The following FHIP1A variants were observed in gnomAD, a reference collection of about 807,000 sequenced individuals.
The protein encoded by FHIP1A is FHF complex subunit HOOK interacting protein 1A.
A neutral mutation model predicts 88.6 loss-of-function variants in FHIP1A; 61 were observed. The ratio of observed to expected loss-of-function variants is 0.69; its 90% CI spans 0.56 to 0.85. The LOEUF (loss-of-function observed/expected upper bound fraction) is 0.85. Ranked by LOEUF, FHIP1A falls within the 40% of genes least tolerant of loss-of-function variation. The pLI is 0.00. For synonymous variants in FHIP1A, 478 were observed against 496.0 expected (o/e 0.96, Z 0.48); for missense variants, 1,154 against 1,273.5 (o/e 0.91, Z 1.43).
chr4:151,578,108 C>A, intron 5 of FHIP1A, 32 bp downstream of exon 5: 1 of 1,527,830 alleles, frequency 6.5e-7, no homozygotes, highest in South Asian at 1.2e-5. Context: ...GTTTTCCACT[C>A]ACTCCCTTTT....
chr4:151,620,904 C>T (rs1451315612), intron 7 of FHIP1A, among the ~76,000 whole-genome samples: 4 of 151,106 alleles, frequency 2.6e-5, no homozygotes, highest in Non-Finnish European at 4.4e-5. Flanking sequence ...CACACAAAAC[C>T]CCACCTTATC....
chr4:151,538,128 T>C (rs972068826), intron 3 of FHIP1A, among the ~76,000 whole-genome samples: 1 of 152,158 alleles, frequency 6.6e-6, no homozygotes, highest in African/African-American at 2.4e-5. Context: ...TAGACCATAG[T>C]AGTAGTGGAG....
intron 4 of FHIP1A, among the ~76,000 whole-genome samples, chr4:151,567,803 T>C (rs1733444426): frequency 6.6e-6 from 1 of 152,204 alleles, no homozygotes. Context: ...TGTGCTTATT[T>C]AAAAAATCTA....
intron 10 of FHIP1A, among the ~76,000 whole-genome samples, chr4:151,647,217 T>TA (rs971372617): frequency 2.6e-5 from 4 of 152,248 alleles, no homozygotes; most frequent in Non-Finnish European, 4.4e-5. Context: ...TTGATTGACC[T>TA]AATGAGGAAG....
Position 151,663,904 on chromosome 4 carries a change from T to C in FHIP1A, c.*1150T>C, listed in dbSNP as rs1237038380. On this transcript the variant is annotated 3_prime_UTR_variant, in exon 14 of 14. Coordinates refer to ENST00000435205, the MANE Select transcript of FHIP1A (RefSeq NM_001109977.3). The stretch of plus-strand genomic sequence containing the variant: ...GCTGCCTTCCGAGTAATGGGGTTCA[T>C]TAGAAGGCCCCAACGTGCTGTATGA... Among the ~76,000 whole-genome samples, 1 of 152,182 alleles carries C rather than the reference T, an allele frequency of 6.6e-6. No individual in the cohort carries two copies. Among genetic ancestry groups the C allele is most frequent in the Admixed American group, 6.5e-5 (1 of 15,286 alleles).
At chr4:151,521,140 G>A (rs1308647071) in intron 3 of FHIP1A, among the ~76,000 whole-genome samples, 2 of 152,126 alleles carry the variant, frequency 1.3e-5, no homozygotes, top group Admixed American at 6.5e-5. Context: ...TTTTATGTGT[G>A]TATAAATAAA....
intron 3 of FHIP1A, among the ~76,000 whole-genome samples, chr4:151,499,753 T>C (rs1303923971): frequency 2.0e-5 from 3 of 152,166 alleles, no homozygotes. Flanking sequence ...CTTCACATGA[T>C]GGCAGGAAGG....
chr4:151,649,470 C>T lies in FHIP1A; in HGVS notation c.1429C>T (p.Arg477Trp), dbSNP rs371000085. The change falls in exon 11 of 14, where the codon CGG becomes TGG. Residue 477 changes from arginine (R) to tryptophan (W), a missense_variant. By Grantham distance (101) the Arg-to-Trp change is moderately radical. Transcript: ENST00000435205. ...TGCCTCCTGTGCAGGGCCTGTGGAG[C>T]GGCCATTCCCCGAAGCGTTCTCCGA... Reference protein sequence around the residue: ...CMHDTSGPVERPFPEAFSESA... With the variant: ...CMHDTSGPVEWPFPEAFSESA... 2.0e-5 allele frequency: 31 copies of T among 1,546,830 alleles called. 1 individual carries two copies. The highest frequency in any genetic ancestry group is 1.8e-4 in the African/African-American group (13 of 73,164).
intron 7 of FHIP1A, among the ~76,000 whole-genome samples, chr4:151,605,487 G>C (rs1389860127): frequency 6.6e-6 from 1 of 152,190 alleles, no homozygotes; most frequent in Non-Finnish European, 1.5e-5. Flanking sequence ...GCAGCCAGCT[G>C]TGTTTCATTC....
At position 151,586,672 on chromosome 4, in the gene FHIP1A, C is replaced by T; in HGVS notation, c.764C>T (p.Ser255Phe). ...GCAACTGGGCTCAGTGGTCTCTACT[C>T]TTCCCTGCCTACAAAGCTAGAAGAG... ...VLATGLSGLY[S>F]SLPTKLEEKG... is the part of the protein sequence containing the mutation. Residue 255 changes from serine (S) to phenylalanine (F), a missense_variant, in exon 6 of 14, where the codon TCT (serine) becomes TTT (phenylalanine). By Grantham distance (155) the Ser-to-Phe change is radical (BLOSUM62 -2). Transcript: ENST00000435205. 2 of 1,551,100 alleles carry T rather than the reference C, an allele frequency of 1.3e-6. No individual in the cohort carries two copies. Among genetic ancestry groups the T allele is most frequent in the Middle Eastern group, 1.7e-4 (1 of 5,986 alleles).
chr4:151,636,216 ACAT>A (rs1257586313), intron 8 of FHIP1A, among the ~76,000 whole-genome samples: 1 of 152,030 alleles, frequency 6.6e-6, no homozygotes, highest in African/African-American at 2.4e-5. Flanking sequence ...ATAAAGGAAA[ACAT>A]CATGATTATC....
intron 3 of FHIP1A, among the ~76,000 whole-genome samples, chr4:151,503,342 T>G (rs879461452): frequency 4.6e-5 from 7 of 152,216 alleles, no homozygotes; most frequent in Non-Finnish European, 1.0e-4. Context: ...TGGGCAGAAC[T>G]AGTTTTTAAA....
At chr4:151,595,311 T>C (rs1430630713) in intron 7 of FHIP1A, among the ~76,000 whole-genome samples, 1 of 152,232 alleles carries the variant, frequency 6.6e-6, no homozygotes, top group Non-Finnish European at 1.5e-5. Context: ...AGCAGGTTGT[T>C]CAGTTTCCAT....
chr4:151,500,459 G>C lies in FHIP1A; in HGVS notation c.-123+17811G>C, dbSNP rs985476955. Among the ~76,000 whole-genome samples, 16 of 118,688 alleles carry C rather than the reference G, an allele frequency of 1.3e-4. No individual in the cohort carries two copies. In the East Asian group the frequency reaches 4.1e-3, roughly 30 times the overall value. 77.9% of individuals were successfully genotyped at this position (118,688 alleles called of 152,430 possible). ...TTCTCAAAAAAAAAAAAAAAAAAAA[G>C]ACTTTGGACAGCCTGCCTGGGTTTG... On this transcript the variant is annotated intron_variant, in intron 3 of 13. Transcript: ENST00000435205.
intron 7 of FHIP1A, among the ~76,000 whole-genome samples, chr4:151,596,180 G>A (rs549758395): frequency 3.9e-4 from 60 of 152,158 alleles, no homozygotes; most frequent in Non-Finnish European, 6.8e-4. Context: ...TCTTTCTTAT[G>A]TTTAGTGCTT....
At position 151,626,494 on chromosome 4, in the gene FHIP1A, CA is replaced by C. The variant is rs370332187; in HGVS notation, c.979-3206del. Reference sequence around the variant, plus strand: ...TAAGCAGAGACATTCTTTAGAGTAACAACTGTTCTTATCTTAGGGATAATTA... The same window carrying C: ...TAAGCAGAGACATTCTTTAGAGTAACACTGTTCTTATCTTAGGGATAATTA... On this transcript the variant is annotated intron_variant, in intron 7 of 13. Coordinates refer to ENST00000435205, the MANE Select transcript of FHIP1A (RefSeq NM_001109977.3). Among the ~76,000 whole-genome samples the C allele has an allele frequency of 8.5e-5, 13 of 152,306 alleles. No homozygotes were observed. In the East Asian group the frequency reaches 2.5e-3, roughly 29 times the overall value.
intron 3 of FHIP1A, among the ~76,000 whole-genome samples, chr4:151,507,474 T>C (rs1730875484): frequency 6.6e-6 from 1 of 152,198 alleles, no homozygotes; most frequent in Non-Finnish European, 1.5e-5. Flanking sequence ...TCTATTATTT[T>C]TAACCTAGAT....
Position 151,664,199 on chromosome 4 carries a change from G to C in FHIP1A, c.*1445G>C, listed in dbSNP as rs551440674. On this transcript the variant is annotated 3_prime_UTR_variant, in exon 14 of 14. Coordinates refer to ENST00000435205, the MANE Select transcript of FHIP1A (RefSeq NM_001109977.3). Reference sequence around the variant, plus strand: ...CTCTGTTCTTTGTGGGCATCTCTGTGGAGCCCTGAGGGCAGCCACAGGTCT... The same window carrying C: ...CTCTGTTCTTTGTGGGCATCTCTGTCGAGCCCTGAGGGCAGCCACAGGTCT... Among the ~76,000 whole-genome samples the C allele has an allele frequency of 2.0e-5, 3 of 152,334 alleles. No individual in the cohort carries two copies. The highest frequency in any genetic ancestry group is 4.2e-4 in the South Asian group (2 of 4,818).
At chr4:151,616,652 G>C (rs562056711) in intron 7 of FHIP1A, among the ~76,000 whole-genome samples, 2 of 151,524 alleles carry the variant, frequency 1.3e-5, no homozygotes, top group African/African-American at 4.9e-5. Context: ...GGGTTTCACC[G>C]TGTTAGCCAG....
Sources: gnomAD v4.1 joint callset for allele counts (sites outside exome capture counted in the v4.1 genomes callset) on GRCh38, gnomAD v4.1.1 for gene constraint, MANE v1.5 for transcripts, NCBI Gene and HGNC (gene_info 2026-07-23, HGNC 2026-07-21) for gene names.